ACOX3: variants seen among roughly 807,000 people sequenced by gnomAD.
The protein encoded by ACOX3 is peroxisomal acyl-coenzyme A oxidase 3.
A neutral mutation model predicts 81.5 loss-of-function variants in ACOX3; 73 were observed. The ratio of observed to expected loss-of-function variants is 0.90; its 90% CI spans 0.74 to 1.09. The LOEUF is 1.09. Ranked by LOEUF, ACOX3 falls within the 50% of genes least tolerant of loss-of-function variation. ACOX3 has a pLI of 0.00. For synonymous variants in ACOX3, 387 were observed against 375.1 expected (o/e 1.03, Z -0.37); for missense variants, 947 against 928.0 (o/e 1.02, Z -0.27).
chr4:8,412,297 C>G (rs1721813610), intron 5 of ACOX3, among the ~76,000 whole-genome samples: 1 of 152,274 alleles, frequency 6.6e-6, no homozygotes, highest in Non-Finnish European at 1.5e-5. Flanking sequence ...TGTGCGAGGA[C>G]CACCTCTTAT....
chr4:8,372,631 C>A (rs1166518781), intron 16 of ACOX3, among the ~76,000 whole-genome samples: 1 of 152,200 alleles, frequency 6.6e-6, no homozygotes, highest in Non-Finnish European at 1.5e-5. Context: ...ACGCCCCTCT[C>A]TGGAACCGCA....
At position 8,414,766 on chromosome 4, in the gene ACOX3, C is replaced by T. The variant is rs186188482; in HGVS notation, c.453+88G>A. 84 of 1,350,098 alleles carry T rather than the reference C, an allele frequency of 6.2e-5. No individual in the cohort carries two copies. The African/African-American group carries it at 1.2e-3, about 19-fold the overall frequency. 83.6% of individuals were successfully genotyped at this position (1,350,098 alleles called of 1,614,324 possible). A position where few individuals can be genotyped will look rare whatever the true frequency, so the allele number is the denominator to read the frequency against. ...AGAAGAGCATAAGCCCCCTGGGCACCCCCTTCTACAATCTTCTCTTTTCAC... is the reference window on the plus strand; with the variant it reads ...AGAAGAGCATAAGCCCCCTGGGCACTCCCTTCTACAATCTTCTCTTTTCAC... On this transcript the variant is annotated intron_variant, in intron 4 of 17. Transcript: ENST00000356406. The surrounding 1 kb of genome is among the most constrained non-coding windows in gnomAD (Gnocchi z 6.1).
the ACOX3 span, among the ~76,000 whole-genome samples, chr4:8,359,715 G>A: frequency 6.6e-6 from 1 of 152,192 alleles, no homozygotes; most frequent in Admixed American, 6.5e-5. The surrounding 1 kb of genome is among the most constrained non-coding windows in gnomAD (Gnocchi z 6.0). Flanking sequence ...AAACTTTTCA[G>A]TGTTGCTGCA....
chr4:8,427,376 G>T (rs1028204084), intron 1 of ACOX3, among the ~76,000 whole-genome samples: 1 of 152,170 alleles, frequency 6.6e-6, no homozygotes, highest in African/African-American at 2.4e-5. Context: ...TGTTTGTTCC[G>T]GTTTGAGCTG....
intron 16 of ACOX3, 26 bp from the exon 17 acceptor site, chr4:8,371,020 T>C (rs751674025): frequency 4.8e-5 from 77 of 1,608,788 alleles, no homozygotes; most frequent in Non-Finnish European, 6.5e-5. Context: ...GCCCAGACAC[T>C]TGGCACCTCC....
In ACOX3 at chr4:8,431,585, G is replaced by T. The variant is rs1429283408; in HGVS notation, c.-15+9063C>A. On this transcript the variant is annotated intron_variant, in intron 1 of 17. Coordinates refer to ENST00000356406, the MANE Select transcript of ACOX3 (RefSeq NM_003501.3). This position sits in a 1 kb window ranked among gnomAD's most constrained non-coding sequence, Gnocchi z 5.3. ...GACTGACACCAAGGGAGCAAATTTG[G>T]GGAAAAAAATAAGGGAATTTGGCTT... Among the ~76,000 whole-genome samples the T allele has an allele frequency of 2.0e-5, 3 of 152,126 alleles. No homozygotes were observed. In the South Asian group the frequency reaches 6.2e-4, roughly 31 times the overall value.
intron 6 of ACOX3, among the ~76,000 whole-genome samples, chr4:8,409,489 C>T (rs541061984): frequency 4.7e-5 from 7 of 150,074 alleles, no homozygotes; most frequent in Non-Finnish European, 1.0e-4. Context: ...GCAGGACTGT[C>T]TGCACTGTGG....
the ACOX3 span, chr4:8,356,374 G>A: frequency 2.7e-6 from 1 of 377,164 alleles, no homozygotes; most frequent in Non-Finnish European, 5.3e-6. Flanking sequence ...AAGCCACTGG[G>A]ACCAACTCAC....
the ACOX3 span, chr4:8,357,295 G>A: frequency 8.8e-6 from 4 of 456,050 alleles, no homozygotes; most frequent in South Asian, 6.2e-5. Flanking sequence ...AATGCAGGGA[G>A]GACTCTGGGG....
intron 16 of ACOX3, 100 bp from the exon 17 acceptor site, chr4:8,371,094 A>G: frequency 8.4e-6 from 9 of 1,073,146 alleles, no homozygotes; most frequent in Non-Finnish European, 1.3e-5. Flanking sequence ...CCCACTAGCA[A>G]CGGGTCACCT....
At position 8,416,613 on chromosome 4, in the gene ACOX3, A is replaced by C. The variant is rs1052450212; in HGVS notation, c.-14-78T>G. The C allele has an allele frequency of 5.6e-5, 79 of 1,414,656 alleles. No individual in the cohort carries two copies. The highest frequency in any genetic ancestry group is 6.8e-5 in the Non-Finnish European group (73 of 1,067,438). 87.6% of individuals were successfully genotyped at this position (1,414,656 alleles called of 1,614,324 possible). ...TACCCCCACCAACAGGAGAGCCCGC[A>C]ACACCTTACAAATCAGAGAAAAGTA... On this transcript the variant is annotated intron_variant, in intron 1 of 17. Coordinates refer to ENST00000356406, the MANE Select transcript of ACOX3 (RefSeq NM_003501.3). This position sits in a 1 kb window ranked among gnomAD's most constrained non-coding sequence, Gnocchi z 4.2.
At chr4:8,420,764 G>T (rs986537078) in intron 1 of ACOX3, among the ~76,000 whole-genome samples, 3 of 152,102 alleles carry the variant, frequency 2.0e-5, no homozygotes, top group African/African-American at 7.2e-5. Context: ...GCTGATCATC[G>T]CCATCGCAGA....
rs1167654378 is a variant in ACOX3, at chr4:8,400,173, C to T, written c.777-521G>A. Among the ~76,000 whole-genome samples the T allele has an allele frequency of 6.6e-6, 1 of 151,954 alleles. No homozygotes were observed. The highest frequency in any genetic ancestry group is 1.5e-5 in the Non-Finnish European group (1 of 68,004). On this transcript the variant is annotated intron_variant, in intron 7 of 17. Coordinates refer to ENST00000356406, the MANE Select transcript of ACOX3 (RefSeq NM_003501.3). This position sits in a 1 kb window ranked among gnomAD's most constrained non-coding sequence, Gnocchi z 4.4. ...GGCTGAGACAGGAGAATTGTTTGAA[C>T]CCGGGCGGCGGAAGTTGCAGTGAGC... is the stretch of plus-strand genomic sequence containing the variant.
Position 8,423,413 on chromosome 4 carries a change from C to T in ACOX3, c.-14-6878G>A, listed in dbSNP as rs1459013375. Among the ~76,000 whole-genome samples the T allele has an allele frequency of 6.6e-6, 1 of 152,082 alleles. No homozygotes were observed. Among genetic ancestry groups the T allele is most frequent in the African/African-American group, 2.4e-5 (1 of 41,384 alleles). ...TATGGATGAGGGAAGAATGCCCGTC[C>T]CGTTCAAGTTAAACTAAAGGATTCC... On this transcript the variant is annotated intron_variant, in intron 1 of 17. Coordinates refer to ENST00000356406, the MANE Select transcript of ACOX3 (RefSeq NM_003501.3). The surrounding 1 kb of genome is among the most constrained non-coding windows in gnomAD (Gnocchi z 4.2).
chr4:8,380,827 G>T (rs184877261), intron 14 of ACOX3, among the ~76,000 whole-genome samples: 1,621 of 152,318 alleles, frequency 0.011, 33 homozygotes, highest in African/African-American at 0.038. Flanking sequence ...CTCCAGCCAA[G>T]AGTGCTCATG....
At chr4:8,397,520 A>C (rs1391325294) in intron 8 of ACOX3, among the ~76,000 whole-genome samples, 2 of 152,212 alleles carry the variant, frequency 1.3e-5, no homozygotes, top group African/African-American at 2.4e-5. Flanking sequence ...GGAGTCCATT[A>C]CAGGCAGCCT....
Position 8,416,231 on chromosome 4 carries a change from TG to T in ACOX3, c.144+146del. 7.4e-7 allele frequency: 1 copy of T among 1,344,272 alleles called. No individual in the cohort carries two copies. Among genetic ancestry groups the T allele is most frequent in the Non-Finnish European group, 1.0e-6 (1 of 952,570 alleles). The allele number at this position is 1,344,272 out of a possible 1,614,324, so 83.3% of individuals were successfully genotyped here. On this transcript the variant is annotated intron_variant, in intron 2 of 17. Transcript: ENST00000356406. The surrounding 1 kb of genome is among the most constrained non-coding windows in gnomAD (Gnocchi z 4.2). ...CTCATCAATTCCCTGAGGCCTGTCC[TG>T]GGGTGCAGAGAGGAGAGAGGCCGCG...
At chr4:8,418,502 T>G (rs1243069194) in intron 1 of ACOX3, among the ~76,000 whole-genome samples, 1 of 134,408 alleles carries the variant, frequency 7.4e-6, no homozygotes, top group Non-Finnish European at 1.6e-5. Context: ...AATAATAAAA[T>G]GACAAAAAAC....
In ACOX3 at chr4:8,368,101, C is replaced by G; in HGVS notation, c.1984-1021G>C. On this transcript the variant is annotated intron_variant, in intron 17 of 17. Transcript: ENST00000356406. The surrounding 1 kb of genome is among the most constrained non-coding windows in gnomAD (Gnocchi z 5.9). ...ATCGACTGCTGCTCTGAAATCTGCT[C>G]TCACACCCCAGGCCGCTACAGGCCG... 6.6e-6 allele frequency among the ~76,000 whole-genome samples: 1 copy of G among 152,226 alleles called. No homozygotes were observed. Among genetic ancestry groups the G allele is most frequent in the East Asian group, 1.9e-4 (1 of 5,194 alleles).
Sources: gnomAD v4.1 joint callset for allele counts (sites outside exome capture counted in the v4.1 genomes callset) on GRCh38, gnomAD v4.1.1 for gene constraint, Gnocchi (gnomAD v3.1) non-coding constraint, MANE v1.5 for transcripts, NCBI Gene and HGNC (gene_info 2026-07-23, HGNC 2026-07-21) for gene names.